GRM3: variants seen among roughly 807,000 people sequenced by gnomAD.
GRM3 encodes the protein metabotropic glutamate receptor 3.
Under a neutral mutation model 70.5 loss-of-function variants are expected in GRM3, and 26 were observed. The ratio of observed to expected loss-of-function variants is 0.37; its 90% CI spans 0.27 to 0.51. The LOEUF (loss-of-function observed/expected upper bound fraction) is 0.51, where lower values mean the gene tolerates loss of function less well. GRM3 is among the 20% of genes least tolerant of loss of function. GRM3 has a pLI of 0.93. For synonymous variants in GRM3, 443 were observed against 434.9 expected (o/e 1.02, Z -0.23); for missense variants, 859 against 1,123.8 (o/e 0.76, Z 3.37).
intron 1 of GRM3, among the ~76,000 whole-genome samples, chr7:86,722,777 A>T (rs539444515): frequency 6.6e-6 from 1 of 152,234 alleles, no homozygotes; most frequent in African/African-American, 2.4e-5. Flanking sequence ...TAAGCAAAAA[A>T]AGAAAAATGA....
intron 1 of GRM3, among the ~76,000 whole-genome samples, chr7:86,724,267 A>C (rs988302015): frequency 1.3e-5 from 2 of 152,132 alleles, no homozygotes; most frequent in Non-Finnish European, 2.9e-5. Context: ...CAAACACGAC[A>C]TCTATAAAAC....
chr7:86,721,472 G>A (rs1313012052), intron 1 of GRM3, among the ~76,000 whole-genome samples: 1 of 152,018 alleles, frequency 6.6e-6, no homozygotes, highest in African/African-American at 2.4e-5. Context: ...TCCATGGAAA[G>A]AATAACCTAT....
chr7:86,710,493 A>G (rs1467346235), intron 1 of GRM3, among the ~76,000 whole-genome samples: 1 of 145,778 alleles, frequency 6.9e-6, no homozygotes, highest in African/African-American at 2.5e-5. Flanking sequence ...AAATAACTAT[A>G]GAAGACTGAA....
At chr7:86,720,662 G>A (rs1435465924) in intron 1 of GRM3, among the ~76,000 whole-genome samples, 1 of 152,032 alleles carries the variant, frequency 6.6e-6, no homozygotes, top group Admixed American at 6.6e-5. Context: ...TTTTCATTCT[G>A]CCAGAGAGCC....
chr7:86,791,898 AT>A (rs1158193863), intron 3 of GRM3, among the ~76,000 whole-genome samples: 2 of 152,278 alleles, frequency 1.3e-5, no homozygotes, highest in African/African-American at 2.4e-5. Flanking sequence ...GTTTCAAATC[AT>A]TTTTTAATTG....
intron 1 of GRM3, among the ~76,000 whole-genome samples, chr7:86,726,372 A>C (rs1483939738): frequency 6.6e-6 from 1 of 152,204 alleles, no homozygotes; most frequent in African/African-American, 2.4e-5. Context: ...TCTCTGGATA[A>C]GGGGAAATGA....
intron 1 of GRM3, among the ~76,000 whole-genome samples, chr7:86,661,043 A>G (rs567856089): frequency 6.6e-6 from 1 of 152,014 alleles, no homozygotes; most frequent in Non-Finnish European, 1.5e-5. Context: ...ACATTTGAAG[A>G]TTAGAAAATG....
At chr7:86,842,351 TAAA>T (rs2116745710) in intron 4 of GRM3, among the ~76,000 whole-genome samples, 1 of 152,262 alleles carries the variant, frequency 6.6e-6, no homozygotes, top group South Asian at 2.1e-4. Flanking sequence ...CTTAACAAAG[TAAA>T]AACGTAAGCC....
intron 1 of GRM3, among the ~76,000 whole-genome samples, chr7:86,709,303 A>C (rs1211966552): frequency 2.0e-5 from 3 of 151,952 alleles, no homozygotes; most frequent in Non-Finnish European, 4.4e-5. Flanking sequence ...ACACTGCTCC[A>C]TGGCTCTCCC....
In GRM3 at chr7:86,721,323, A is replaced by T. The variant is rs17160926; in HGVS notation, c.-140-43683A>T. Among the ~76,000 whole-genome samples, 1,358 of 152,180 alleles carry T rather than the reference A, an allele frequency of 8.9e-3. 16 individuals are homozygous for T. The highest frequency in any genetic ancestry group is 0.031 in the African/African-American group (1,293 of 41,540). The stretch of plus-strand genomic sequence containing the variant: ...TAATTTCTTCCTCATGGCTTCTAGG[A>T]TGAAATACCAAGTAAGAGAAAAAGC... On this transcript the variant is annotated intron_variant, in intron 1 of 5. Transcript: ENST00000361669.
chr7:86,815,571 A>C (rs1039999728), intron 3 of GRM3, among the ~76,000 whole-genome samples: 1 of 151,948 alleles, frequency 6.6e-6, no homozygotes, highest in Non-Finnish European at 1.5e-5. Context: ...ACACAATTTC[A>C]TATTACTATT....
intron 5 of GRM3, among the ~76,000 whole-genome samples, chr7:86,853,147 G>A (rs1195409979): frequency 2.6e-5 from 4 of 152,112 alleles, no homozygotes; most frequent in Non-Finnish European, 5.9e-5. Flanking sequence ...ATTGGGTCAT[G>A]AAATTTAGTA....
At chr7:86,746,150 T>G (rs1219047868) in intron 1 of GRM3, among the ~76,000 whole-genome samples, 1 of 151,714 alleles carries the variant, frequency 6.6e-6, no homozygotes, top group Non-Finnish European at 1.5e-5. Context: ...CCTAAGTAGA[T>G]TTTTCTAATG....
intron 5 of GRM3, among the ~76,000 whole-genome samples, chr7:86,857,515 G>A (rs539629020): frequency 1.2e-4 from 19 of 152,310 alleles, no homozygotes; most frequent in African/African-American, 4.6e-4. Context: ...TAGTCCAAAT[G>A]GTGGTGGTTT....
At chr7:86,736,749 C>T (rs1258576932) in intron 1 of GRM3, among the ~76,000 whole-genome samples, 1 of 152,166 alleles carries the variant, frequency 6.6e-6, no homozygotes, top group African/African-American at 2.4e-5. Flanking sequence ...GAATCAGTCA[C>T]ATGGCCACAT....
intron 1 of GRM3, among the ~76,000 whole-genome samples, chr7:86,761,331 T>C (rs576976338): frequency 6.6e-6 from 1 of 152,264 alleles, no homozygotes; most frequent in East Asian, 1.9e-4. Context: ...TCAGTTCAGG[T>C]CTACATCTCT....
intron 1 of GRM3, among the ~76,000 whole-genome samples, chr7:86,727,117 A>G (rs969772920): frequency 2.6e-5 from 4 of 152,216 alleles, no homozygotes; most frequent in African/African-American, 9.6e-5. Context: ...TAAATACAAG[A>G]TAACTATAAC....
chr7:86,648,738 A>C (rs1332644949), intron 1 of GRM3, among the ~76,000 whole-genome samples: 1 of 152,030 alleles, frequency 6.6e-6, no homozygotes, highest in African/African-American at 2.4e-5. Context: ...GAAAAAAAAA[A>C]CATAAAAAAA....
chr7:86,655,853 G>GTGTGTGT (rs1562814701), intron 1 of GRM3, among the ~76,000 whole-genome samples: 2,122 of 134,656 alleles, frequency 0.016, 78 homozygotes, highest in East Asian at 0.1. Context: ...TGTGTGTGTG[G>GTGTGTGT]GTGGGTGGGT....
Sources: gnomAD v4.1 joint callset for allele counts (sites outside exome capture counted in the v4.1 genomes callset) on GRCh38, gnomAD v4.1.1 for gene constraint, MANE v1.5 for transcripts, NCBI Gene and HGNC (gene_info 2026-07-23, HGNC 2026-07-21) for gene names.